Variants in SPATA17 observed in about 807,000 individuals in gnomAD.
SPATA17 encodes the protein spermatogenesis-associated protein 17.
Under a neutral mutation model 62.2 loss-of-function variants are expected in SPATA17, and 53 were observed. The ratio of observed to expected loss-of-function variants is 0.85; its 90% CI spans 0.68 to 1.07. The LOEUF (loss-of-function observed/expected upper bound fraction) is 1.07. Among genes scored for constraint, SPATA17 ranks in the 50% least tolerant of loss-of-function variants. The pLI is 0.00. For missense variants in SPATA17, 466 were observed against 425.5 expected (o/e 1.10, Z -0.84); for synonymous variants, 146 against 146.8 (o/e 0.99, Z 0.04).
chr1:217,772,991 T>C (rs952485927), intron 6 of SPATA17, among the ~76,000 whole-genome samples: 1 of 150,456 alleles, frequency 6.6e-6, no homozygotes, highest in African/African-American at 2.5e-5. Flanking sequence ...TTGCATTTGG[T>C]ATAGGATGTT....
chr1:217,840,336 CTAG>C (rs1219084532), intron 9 of SPATA17, among the ~76,000 whole-genome samples: 2 of 152,016 alleles, frequency 1.3e-5, no homozygotes, highest in Admixed American at 6.6e-5. Context: ...AAAATTATTC[CTAG>C]TAAACTGACA....
intron 5 of SPATA17, among the ~76,000 whole-genome samples, chr1:217,688,575 C>G (rs193041609): frequency 1.8e-4 from 28 of 152,234 alleles, no homozygotes; most frequent in African/African-American, 6.0e-4. Context: ...AAATGCTCAC[C>G]CATTCTGAAT....
intron 8 of SPATA17, among the ~76,000 whole-genome samples, chr1:217,786,795 C>CTTCTTA (rs1376867018): frequency 6.0e-5 from 9 of 150,866 alleles, no homozygotes; most frequent in Non-Finnish European, 1.0e-4. Context: ...TCTTCTTCTT[C>CTTCTTA]TTCTTCTTCT....
intron 6 of SPATA17, among the ~76,000 whole-genome samples, chr1:217,761,516 C>T (rs539223125): frequency 1.3e-5 from 2 of 151,982 alleles, no homozygotes; most frequent in Non-Finnish European, 2.9e-5. Context: ...ATCAGAATTA[C>T]CTAATTATTC....
At chr1:217,803,633 A>T (rs1674366801) in intron 9 of SPATA17, among the ~76,000 whole-genome samples, 1 of 152,230 alleles carries the variant, frequency 6.6e-6, no homozygotes, top group African/African-American at 2.4e-5. Context: ...GAAAAATTTA[A>T]TATTGTTAAA....
At chr1:217,758,741 C>T (rs1023048010) in intron 6 of SPATA17, among the ~76,000 whole-genome samples, 1 of 152,024 alleles carries the variant, frequency 6.6e-6, no homozygotes, top group Non-Finnish European at 1.5e-5. Flanking sequence ...GAAAAGGAGA[C>T]AATAGATTAG....
chr1:217,744,788 T>G (rs528147820), intron 6 of SPATA17, among the ~76,000 whole-genome samples: 8 of 152,154 alleles, frequency 5.3e-5, no homozygotes, highest in Non-Finnish European at 1.0e-4. Flanking sequence ...GCTCTCCCAC[T>G]AAGGGTAATA....
Position 217,832,361 on chromosome 1 carries a change from T to C in SPATA17, c.1006-30413T>C, listed in dbSNP as rs905952274. ...ATGTTCACAACTAACATATTTTCTT[T>C]TTACCCCAAAACATGACAGATAAAA... On this transcript the variant is annotated intron_variant, in intron 9 of 10. Coordinates refer to ENST00000366933, the MANE Select transcript of SPATA17 (RefSeq NM_138796.4). 2.6e-5 allele frequency among the ~76,000 whole-genome samples: 4 copies of C among 152,130 alleles called. No individual in the cohort carries two copies. The South Asian group carries it at 8.3e-4, about 31-fold the overall frequency.
chr1:217,797,159 G>A (rs957773973), intron 8 of SPATA17, among the ~76,000 whole-genome samples: 12 of 152,044 alleles, frequency 7.9e-5, no homozygotes, highest in African/African-American at 2.7e-4. Flanking sequence ...TATGAGAACC[G>A]GGTCATCTGA....
intron 6 of SPATA17, among the ~76,000 whole-genome samples, chr1:217,747,326 T>C (rs1672784766): frequency 6.6e-6 from 1 of 152,172 alleles, no homozygotes; most frequent in Admixed American, 6.5e-5. Context: ...TTCATTCCCT[T>C]GCCCTTGTTC....
At chr1:217,705,014 C>T (rs573583973) in intron 5 of SPATA17, among the ~76,000 whole-genome samples, 3 of 152,300 alleles carry the variant, frequency 2.0e-5, no homozygotes, top group Admixed American at 1.3e-4. Flanking sequence ...AATTTACATT[C>T]CCACCAGCAG....
intron 8 of SPATA17, among the ~76,000 whole-genome samples, chr1:217,800,049 T>A (rs1460273871): frequency 6.6e-6 from 1 of 152,196 alleles, no homozygotes; most frequent in Non-Finnish European, 1.5e-5. Context: ...AATTTCTGAA[T>A]TTACTCCTGT....
intron 6 of SPATA17, among the ~76,000 whole-genome samples, chr1:217,759,122 T>A (rs1673112550): frequency 6.6e-6 from 1 of 152,152 alleles, no homozygotes; most frequent in South Asian, 2.1e-4. Context: ...AGTCAGTTTA[T>A]GATAACTACA....
At chr1:217,758,529 T>A (rs2102961074) in intron 6 of SPATA17, among the ~76,000 whole-genome samples, 1 of 152,100 alleles carries the variant, frequency 6.6e-6, no homozygotes, top group South Asian at 2.1e-4. Context: ...ACAAAGGTAA[T>A]AAAAGGTGGA....
chr1:217,849,408 G>A (rs545979951), intron 9 of SPATA17, among the ~76,000 whole-genome samples: 2 of 152,156 alleles, frequency 1.3e-5, no homozygotes, highest in South Asian at 4.2e-4. Context: ...ATTTGCTGTT[G>A]TGTTACTTAT....
chr1:217,758,267 G>T (rs770243706), intron 6 of SPATA17, among the ~76,000 whole-genome samples: 2 of 152,120 alleles, frequency 1.3e-5, no homozygotes, highest in Admixed American at 6.6e-5. Context: ...CCCAATATCA[G>T]TGTTAGTATT....
chr1:217,831,256 T>G (rs1296145835), intron 9 of SPATA17, among the ~76,000 whole-genome samples: 1 of 152,168 alleles, frequency 6.6e-6, no homozygotes, highest in Non-Finnish European at 1.5e-5. Context: ...TTTGCCTACC[T>G]TCTTCATTTA....
At chr1:217,811,852 A>G (rs1003378511) in intron 9 of SPATA17, among the ~76,000 whole-genome samples, 1 of 152,336 alleles carries the variant, frequency 6.6e-6, no homozygotes, top group African/African-American at 2.4e-5. Context: ...CTTGCATTCA[A>G]TAGGTTGCTA....
At chr1:217,638,311 A>C (rs1234975902) in intron 1 of SPATA17, among the ~76,000 whole-genome samples, 1 of 133,052 alleles carries the variant, frequency 7.5e-6, no homozygotes, top group African/African-American at 2.6e-5. Flanking sequence ...TTTATGAAAG[A>C]AATAAGTGTT....
Sources: gnomAD v4.1 joint callset for allele counts (sites outside exome capture counted in the v4.1 genomes callset) on GRCh38, gnomAD v4.1.1 for gene constraint, MANE v1.5 for transcripts, NCBI Gene and HGNC (gene_info 2026-07-23, HGNC 2026-07-21) for gene names.